Variants in MRPL13 observed in about 807,000 individuals in gnomAD.
MRPL13 encodes large ribosomal subunit protein uL13m.
MRPL13 carries 33 observed loss-of-function variants against 29.0 expected under a neutral mutation model. The observed-to-expected ratio is 1.14, with a 90% CI of 0.86 to 1.52. The LOEUF (loss-of-function observed/expected upper bound fraction) is 1.52, where lower values mean the gene tolerates loss of function less well. Ranked by LOEUF, MRPL13 falls within the 40% of genes most tolerant of loss-of-function variation. MRPL13 has a pLI of 0.00. For synonymous variants in MRPL13, 77 were observed against 68.4 expected (o/e 1.13, Z -0.62); for missense variants, 227 against 216.7 (o/e 1.05, Z -0.30).
chr8:120,432,109 GA>G lies in MRPL13; in HGVS notation c.165del (p.His56MetfsTer4). 6.3e-7 allele frequency: 1 copy of G among 1,593,478 alleles called. No homozygotes were observed. The highest frequency in any genetic ancestry group is 8.5e-7 in the Non-Finnish European group (1 of 1,171,736). On this transcript the variant is annotated frameshift_variant, in exon 3 of 7. Transcript: ENST00000306185. LOFTEE classifies it high-confidence loss of function. The part of the protein sequence containing the change: ...PVYHALSDCG[D>X]HVVIMNTRHI... ...TGTCTTGTGTTCATTATAACAACAT[GA>G]TCCCCACAGTCACCTACATTTTAAA...
In MRPL13 at chr8:120,414,045, C is replaced by T. The variant is rs748961366; in HGVS notation, c.461G>A (p.Arg154His). Residue 154 changes from arginine to histidine, a missense_variant, in exon 6 of 7, where the codon CGT (arginine) becomes CAT (histidine). Physicochemically the swap from Arg to His is conservative, Grantham distance 29 (BLOSUM62 0). Transcript: ENST00000306185. ...TTCTTCTTGTGTGTACTCATCTAGA[C>T]GTTTAGGTATTTTTCGTGGTTGAGG... ...ELPQPRKIPK[R>H]LDEYTQEEID... 37 of 1,602,272 alleles carry T rather than the reference C, an allele frequency of 2.3e-5. No homozygotes were observed. Among genetic ancestry groups the T allele is most frequent in the African/African-American group, 2.2e-4 (16 of 74,158 alleles).
rs779748828 is a variant in MRPL13 at position 120,443,300 on chromosome 8, G to A, written c.36C>T (p.Ala12=). The A allele has an allele frequency of 1.5e-5, 24 of 1,561,822 alleles. No individual in the cohort carries two copies. In the Admixed American group the frequency reaches 4.8e-4, roughly 31 times the overall value. ...AGAGATACCATATTCTAGCAAAAGT[G>A]GCCCATTGCTTGGGGGGGAAAAAAA... The part of the protein sequence containing the change: ...SSFSRAPQQW[A]TFARIWYLLD... The change falls in exon 2 of 7, where the codon GCC becomes GCT. Residue 12 remains alanine, a synonymous_variant. Coordinates refer to ENST00000306185, the MANE Select transcript of MRPL13 (RefSeq NM_014078.6).
intron 6 of MRPL13, among the ~76,000 whole-genome samples, chr8:120,403,965 T>C (rs1287769740): frequency 3.3e-5 from 5 of 152,202 alleles, no homozygotes; most frequent in African/African-American, 1.2e-4. Flanking sequence ...AATAAGAAGA[T>C]AAACTGCAGA....
chr8:120,408,555 A>G (rs1162846439), intron 6 of MRPL13, among the ~76,000 whole-genome samples: 1 of 152,192 alleles, frequency 6.6e-6, no homozygotes, highest in Non-Finnish European at 1.5e-5. Flanking sequence ...CTTAGTCCAC[A>G]AGTCCAGCTA....
chr8:120,403,937 A>T (rs1245556782), intron 6 of MRPL13, among the ~76,000 whole-genome samples: 1 of 152,210 alleles, frequency 6.6e-6, no homozygotes, highest in African/African-American at 2.4e-5. Flanking sequence ...ATGCTTTGCC[A>T]TATCAGCCAT....
chr8:120,416,377 C>T (rs1812804137), intron 5 of MRPL13, among the ~76,000 whole-genome samples: 1 of 152,094 alleles, frequency 6.6e-6, no homozygotes, highest in African/African-American at 2.4e-5. Context: ...GCCTGTAGTC[C>T]CAGCTACTTG....
chr8:120,399,685 G>C (rs996059461), intron 6 of MRPL13, among the ~76,000 whole-genome samples: 1 of 152,084 alleles, frequency 6.6e-6, no homozygotes, highest in Admixed American at 6.6e-5. Context: ...CCAATTAAAA[G>C]ACACAGAATG....
chr8:120,432,094 T>G lies in MRPL13; in HGVS notation c.181A>C (p.Asn61His). 1 of 1,604,636 alleles carries G rather than the reference T, an allele frequency of 6.2e-7. No homozygotes were observed. Among genetic ancestry groups the G allele is most frequent in the Non-Finnish European group, 8.5e-7 (1 of 1,175,862 alleles). The change falls in exon 3 of 7, where the codon AAC becomes CAC. Residue 61 changes from asparagine to histidine, a missense_variant. Transcript: ENST00000306185. ...SDCGDHVVIMNTRHIAFSGNK... is the reference protein window; with the variant it reads ...SDCGDHVVIMHTRHIAFSGNK... Reference sequence around the variant, plus strand: ...CCAGAAAATGCAATGTGTCTTGTGTTCATTATAACAACATGATCCCCACAG... The same window carrying G: ...CCAGAAAATGCAATGTGTCTTGTGTGCATTATAACAACATGATCCCCACAG...
chr8:120,415,216 T>C (rs924738325), intron 5 of MRPL13: 1 of 152,186 alleles, frequency 6.6e-6, no homozygotes, highest in African/African-American at 2.4e-5. Flanking sequence ...GGGAACTCTT[T>C]TTAAATAACG....
chr8:120,407,391 C>G (rs577195426), intron 6 of MRPL13, among the ~76,000 whole-genome samples: 4 of 152,062 alleles, frequency 2.6e-5, no homozygotes, highest in Non-Finnish European at 5.9e-5. Flanking sequence ...ATTGGTCCTA[C>G]TTCCCAGCAC....
At chr8:120,437,684 T>G (rs1034867851) in intron 2 of MRPL13, among the ~76,000 whole-genome samples, 1 of 152,150 alleles carries the variant, frequency 6.6e-6, no homozygotes, top group Non-Finnish European at 1.5e-5. Context: ...TAACCCACAT[T>G]TTCCATAAAA....
chr8:120,409,783 T>C (rs950700322), intron 6 of MRPL13, among the ~76,000 whole-genome samples: 10 of 152,160 alleles, frequency 6.6e-5, no homozygotes, highest in African/African-American at 2.4e-4. Context: ...ATAGTATATA[T>C]AAAATGGCTT....
At chr8:120,441,925 A>T (rs1180985757) in intron 2 of MRPL13, among the ~76,000 whole-genome samples, 1 of 152,180 alleles carries the variant, frequency 6.6e-6, no homozygotes, top group African/African-American at 2.4e-5. Flanking sequence ...TGTTAACTGT[A>T]TTTAGGTGGA....
chr8:120,401,424 C>T (rs962758801), intron 6 of MRPL13, among the ~76,000 whole-genome samples: 1 of 152,296 alleles, frequency 6.6e-6, no homozygotes, highest in Admixed American at 6.5e-5. Flanking sequence ...TCAACAGACA[C>T]AGAAAAAGCC....
intron 2 of MRPL13, among the ~76,000 whole-genome samples, chr8:120,432,992 T>C (rs1198207971): frequency 6.6e-6 from 1 of 151,932 alleles, no homozygotes; most frequent in Admixed American, 6.6e-5. Flanking sequence ...AACTAAAGAT[T>C]ATAAGATTCT....
At chr8:120,407,284 A>C (rs1374154460) in intron 6 of MRPL13, among the ~76,000 whole-genome samples, 1 of 152,198 alleles carries the variant, frequency 6.6e-6, no homozygotes, top group Non-Finnish European at 1.5e-5. Flanking sequence ...TGTATTATAA[A>C]ATGGTAGGAA....
intron 5 of MRPL13, chr8:120,414,351 T>C: frequency 4.0e-6 from 1 of 252,142 alleles, no homozygotes; most frequent in Non-Finnish European, 7.3e-6. Flanking sequence ...TATTTCCCTC[T>C]TTTCAATTGC....
At chr8:120,397,322 T>C (rs1038658373) in intron 6 of MRPL13, among the ~76,000 whole-genome samples, 2 of 152,098 alleles carry the variant, frequency 1.3e-5, no homozygotes, top group African/African-American at 2.4e-5. Context: ...GATCCATCCA[T>C]AAATTCTCCA....
chr8:120,420,583 T>C (rs1329959961), intron 4 of MRPL13, among the ~76,000 whole-genome samples: 1 of 151,074 alleles, frequency 6.6e-6, no homozygotes, highest in African/African-American at 2.4e-5. Flanking sequence ...AAGTGGTCGG[T>C]TGACATGTAG....
Sources: gnomAD v4.1 joint callset for allele counts (sites outside exome capture counted in the v4.1 genomes callset) on GRCh38, gnomAD v4.1.1 for gene constraint, MANE v1.5 for transcripts, NCBI Gene and HGNC (gene_info 2026-07-23, HGNC 2026-07-21) for gene names.